ZMAT4: variants seen among roughly 807,000 people sequenced by gnomAD.
The protein encoded by ZMAT4 is zinc finger matrin-type 4, also known as zinc finger matrin-type protein 4.
A neutral mutation model predicts 28.7 loss-of-function variants in ZMAT4; 17 were observed. The ratio of observed to expected loss-of-function variants is 0.59; its 90% CI spans 0.41 to 0.89. The LOEUF (loss-of-function observed/expected upper bound fraction) is 0.89. Among genes scored for constraint, ZMAT4 ranks in the 40% least tolerant of loss-of-function variants. The probability of loss-of-function intolerance (pLI) is 0.00; values close to 1 mark genes in which losing one functional copy is unlikely to be tolerated. For missense variants in ZMAT4, 240 were observed against 283.8 expected (o/e 0.85, Z 1.11); for synonymous variants, 117 against 109.2 (o/e 1.07, Z -0.44).
chr8:40,850,406 A>T (rs1817059829), intron 1 of ZMAT4, among the ~76,000 whole-genome samples: 1 of 151,582 alleles, frequency 6.6e-6, no homozygotes, highest in Admixed American at 6.6e-5. Flanking sequence ...ACGGCCCAGG[A>T]CTCCCCTGCC....
chr8:40,846,505 CT>C lies in ZMAT4; in HGVS notation c.-4-20826del, dbSNP rs112041480. ...TTAAAGTCACTGGGTGTTTGATCACCTCCTCGATGCAGAGTAATTAAAATCA... is the reference window on the plus strand; with the variant it reads ...TTAAAGTCACTGGGTGTTTGATCACCCCTCGATGCAGAGTAATTAAAATCA... On this transcript the variant is annotated intron_variant, in intron 1 of 6. Transcript: ENST00000297737. Among the ~76,000 whole-genome samples the C allele has an allele frequency of 7.3e-3, 1,108 of 152,368 alleles. 18 individuals carry two copies. The highest frequency in any genetic ancestry group is 0.025 in the African/African-American group (1,037 of 41,588).
chr8:40,639,027 C>G (rs955137544), intron 5 of ZMAT4, among the ~76,000 whole-genome samples: 1 of 152,204 alleles, frequency 6.6e-6, no homozygotes, highest in African/African-American at 2.4e-5. Context: ...TGCTGGCGGA[C>G]TGCAGGATGC....
At chr8:40,666,022 T>C (rs1300645603) in intron 5 of ZMAT4, among the ~76,000 whole-genome samples, 1 of 152,202 alleles carries the variant, frequency 6.6e-6, no homozygotes, top group Non-Finnish European at 1.5e-5. Context: ...AAAATAACTG[T>C]GCATTTTTCC....
intron 2 of ZMAT4, among the ~76,000 whole-genome samples, chr8:40,814,716 A>G (rs998223600): frequency 6.6e-6 from 1 of 152,254 alleles, no homozygotes; most frequent in Non-Finnish European, 1.5e-5. Context: ...AATATTTCAA[A>G]GAAAATTGGA....
intron 5 of ZMAT4, among the ~76,000 whole-genome samples, chr8:40,606,924 T>C (rs1165602944): frequency 7.9e-5 from 12 of 152,120 alleles, no homozygotes. Flanking sequence ...TTCTTTGTCT[T>C]TGTTGGATTG....
intron 6 of ZMAT4, among the ~76,000 whole-genome samples, chr8:40,572,856 A>G (rs1804142004): frequency 6.6e-6 from 1 of 152,174 alleles, no homozygotes; most frequent in Admixed American, 6.5e-5. Context: ...TCTGGTTACT[A>G]CCAGCAAAGA....
intron 5 of ZMAT4, among the ~76,000 whole-genome samples, chr8:40,586,635 A>T (rs927380779): frequency 6.6e-6 from 1 of 152,214 alleles, no homozygotes; most frequent in Non-Finnish European, 1.5e-5. Flanking sequence ...TGGAGACTTC[A>T]GCAGCACATG....
intron 3 of ZMAT4, among the ~76,000 whole-genome samples, chr8:40,742,146 C>G (rs1171798555): frequency 1.3e-5 from 2 of 151,384 alleles, no homozygotes; most frequent in African/African-American, 4.9e-5. Context: ...TAGTCCCCAG[C>G]TACTCAAGAG....
intron 5 of ZMAT4, among the ~76,000 whole-genome samples, chr8:40,672,412 A>G (rs1298384768): frequency 3.9e-5 from 6 of 152,146 alleles, no homozygotes; most frequent in African/African-American, 7.2e-5. Flanking sequence ...ATAAATATCT[A>G]TCAGGATATC....
At chr8:40,775,989 G>T (rs1813577528) in intron 2 of ZMAT4, among the ~76,000 whole-genome samples, 1 of 152,132 alleles carries the variant, frequency 6.6e-6, no homozygotes, top group South Asian at 2.1e-4. Flanking sequence ...CCAGGAGAGA[G>T]CCATCGCCAG....
chr8:40,614,931 G>A (rs949656782), intron 5 of ZMAT4, among the ~76,000 whole-genome samples: 8 of 152,062 alleles, frequency 5.3e-5, no homozygotes, highest in African/African-American at 1.9e-4. Flanking sequence ...TTACATTTAA[G>A]GTTAATATTG....
At chr8:40,632,610 G>A (rs1023017518) in intron 5 of ZMAT4, among the ~76,000 whole-genome samples, 3 of 152,144 alleles carry the variant, frequency 2.0e-5, no homozygotes, top group Non-Finnish European at 2.9e-5. Flanking sequence ...GCACAGATTG[G>A]AGTTTTGTAG....
intron 1 of ZMAT4, among the ~76,000 whole-genome samples, chr8:40,865,786 C>A (rs1817659026): frequency 6.6e-6 from 1 of 152,232 alleles, no homozygotes; most frequent in Admixed American, 6.5e-5. Flanking sequence ...CTGTACTACG[C>A]AGAATGTGGA....
At chr8:40,707,629 ATATAAG>A (rs891264084) in intron 3 of ZMAT4, among the ~76,000 whole-genome samples, 6 of 137,650 alleles carry the variant, frequency 4.4e-5, no homozygotes, top group East Asian at 3.5e-4. Context: ...GTATACATAC[ATATAAG>A]TATATGTGTG....
intron 3 of ZMAT4, among the ~76,000 whole-genome samples, chr8:40,748,387 C>T (rs992860264): frequency 2.0e-5 from 3 of 152,288 alleles, no homozygotes; most frequent in Non-Finnish European, 4.4e-5. Context: ...CAAATAGCTG[C>T]ATTTTTAATA....
At position 40,689,222 on chromosome 8, in the gene ZMAT4, G is replaced by A. The variant is rs371428279; in HGVS notation, c.349+8023C>T. 2.0e-5 allele frequency among the ~76,000 whole-genome samples: 3 copies of A among 152,170 alleles called. No individual in the cohort carries two copies. In the South Asian group the frequency reaches 6.2e-4, roughly 32 times the overall value. On this transcript the variant is annotated intron_variant, in intron 4 of 6. Coordinates refer to ENST00000297737, the MANE Select transcript of ZMAT4 (RefSeq NM_024645.3). Reference sequence around the variant, plus strand: ...AGGGCTGGACCTCCAGCTTGTGGACGCTGAGAACACAACAGCATCCTGGGT... The same window carrying A: ...AGGGCTGGACCTCCAGCTTGTGGACACTGAGAACACAACAGCATCCTGGGT...
At chr8:40,579,901 C>T (rs774876233) in intron 6 of ZMAT4, among the ~76,000 whole-genome samples, 1 of 152,118 alleles carries the variant, frequency 6.6e-6, no homozygotes, top group Non-Finnish European at 1.5e-5. Context: ...GCTCCCTCCC[C>T]CATGCTTAAA....
At chr8:40,754,277 G>A (rs1042482792) in intron 3 of ZMAT4, among the ~76,000 whole-genome samples, 2 of 152,182 alleles carry the variant, frequency 1.3e-5, no homozygotes, top group African/African-American at 4.8e-5. Flanking sequence ...ACAGGAGGGG[G>A]CTACCAGGCT....
At chr8:40,629,107 A>G (rs1806480064) in intron 5 of ZMAT4, among the ~76,000 whole-genome samples, 1 of 149,868 alleles carries the variant, frequency 6.7e-6, no homozygotes, top group Admixed American at 6.7e-5. Context: ...TACTTCCATG[A>G]TTCGACCTCT....
Sources: allele counts gnomAD v4.1 joint callset (sites outside exome capture counted in the v4.1 genomes callset), GRCh38; gene constraint gnomAD v4.1.1; transcripts MANE v1.5; gene names NCBI Gene and HGNC (gene_info 2026-07-23, HGNC 2026-07-21).